Variants in DHRSX observed in about 807,000 individuals in gnomAD.
DHRSX encodes the protein polyprenol dehydrogenase.
A neutral mutation model predicts 34.0 loss-of-function variants in DHRSX; 31 were observed. That is an observed-to-expected ratio of 0.91 (90% confidence interval 0.69 to 1.23). DHRSX has a LOEUF of 1.23. DHRSX is among the 50% of genes most tolerant of loss of function. DHRSX has a pLI of 0.00. For synonymous variants in DHRSX, 201 were observed against 183.8 expected (o/e 1.09, Z -0.76); for missense variants, 414 against 428.1 (o/e 0.97, Z 0.29).
chrX:2,410,438 T>G (rs924209132), intron 2 of DHRSX, among the ~76,000 whole-genome samples: 1 of 152,208 alleles, frequency 6.6e-6, no homozygotes, highest in Non-Finnish European at 1.5e-5. Context: ...ATCTCCATCC[T>G]ACCTGCACCC....
chrX:2,247,655 C>CA (rs752111695), intron 5 of DHRSX, among the ~76,000 whole-genome samples: 4,816 of 96,840 alleles, frequency 0.05, 281 homozygotes, highest in African/African-American at 0.14. Flanking sequence ...CTCCGTCTCA[C>CA]AAAAAAAAAA....
At chrX:2,494,173 G>C (rs1772135509) in intron 1 of DHRSX, among the ~76,000 whole-genome samples, 1 of 151,934 alleles carries the variant, frequency 6.6e-6, no homozygotes, top group South Asian at 2.1e-4. Context: ...AGAAGTCCCA[G>C]TGCCTGGGGC....
chrX:2,236,358 C>G (rs1403720964), intron 6 of DHRSX, among the ~76,000 whole-genome samples: 6 of 152,126 alleles, frequency 3.9e-5, no homozygotes, highest in African/African-American at 1.4e-4. Flanking sequence ...GAGGAGGAAA[C>G]AGCCAGGGCT....
intron 3 of DHRSX, among the ~76,000 whole-genome samples, chrX:2,406,156 G>T (rs1265345542): frequency 6.6e-6 from 1 of 151,832 alleles, no homozygotes; most frequent in Non-Finnish European, 1.5e-5. Flanking sequence ...GCTGGGCATG[G>T]TCGCCAATGC....
intron 4 of DHRSX, among the ~76,000 whole-genome samples, chrX:2,268,172 C>A (rs189105996): frequency 6.6e-6 from 1 of 152,304 alleles, no homozygotes; most frequent in Non-Finnish European, 1.5e-5. Flanking sequence ...AACAGCCCAC[C>A]CCTGTCAGGC....
In DHRSX at chrX:2,315,509, G is replaced by C. The variant is rs140671757; in HGVS notation, c.287-23906C>G. ...TAGTGAGGTCATTTGGGTATACATA[G>C]CAGCATTAACAGCTTGAACCTAGCG... On this transcript the variant is annotated intron_variant, in intron 3 of 6. Coordinates refer to ENST00000334651, the MANE Select transcript of DHRSX (RefSeq NM_145177.3). 1.7e-3 allele frequency among the ~76,000 whole-genome samples: 260 copies of C among 152,258 alleles called. 2 individuals are homozygous for C. The highest frequency in any genetic ancestry group is 6.1e-3 in the African/African-American group (252 of 41,562).
intron 1 of DHRSX, among the ~76,000 whole-genome samples, chrX:2,444,064 G>T (rs1427590070): frequency 6.6e-6 from 1 of 151,098 alleles, no homozygotes; most frequent in Non-Finnish European, 1.5e-5. Context: ...GCCTGAGTTG[G>T]AGGCCTGGAA....
intron 3 of DHRSX, among the ~76,000 whole-genome samples, chrX:2,372,283 A>C (rs576536662): frequency 6.6e-6 from 1 of 152,122 alleles, no homozygotes; most frequent in Non-Finnish European, 1.5e-5. Context: ...GGCGAAATAC[A>C]TGACTGATAA....
intron 3 of DHRSX, among the ~76,000 whole-genome samples, chrX:2,367,605 T>A (rs1252079224): frequency 6.6e-6 from 1 of 152,188 alleles, no homozygotes; most frequent in Admixed American, 6.6e-5. Context: ...ATATTTTAAA[T>A]GTCTCCTATT....
At chrX:2,389,889 T>C (rs1445020676) in intron 3 of DHRSX, among the ~76,000 whole-genome samples, 1 of 152,204 alleles carries the variant, frequency 6.6e-6, no homozygotes, top group South Asian at 2.1e-4. Flanking sequence ...CAAGTGATTC[T>C]GCTGCCTCAG....
intron 3 of DHRSX, among the ~76,000 whole-genome samples, chrX:2,303,689 C>CGGATGAATTGATGGATGGGTGGAA (rs1569485678): frequency 6.6e-6 from 1 of 151,440 alleles, no homozygotes; most frequent in Non-Finnish European, 1.5e-5. Flanking sequence ...GACGGATGGA[C>CGGATGAATTGATGGATGGGTGGAA]GGATGAATTG....
intron 3 of DHRSX, among the ~76,000 whole-genome samples, chrX:2,317,373 T>TC (rs2042253572): frequency 6.6e-6 from 1 of 151,660 alleles, no homozygotes; most frequent in Non-Finnish European, 1.5e-5. Context: ...TGCCTCACTG[T>TC]CCCAAGTAGC....
intron 1 of DHRSX, among the ~76,000 whole-genome samples, chrX:2,442,217 T>G (rs760240279): frequency 1.1e-4 from 17 of 151,642 alleles, no homozygotes; most frequent in African/African-American, 4.1e-4. Context: ...ACTCATCGAG[T>G]GGAAGTGGAT....
At chrX:2,360,737 C>G (rs1188041740) in intron 3 of DHRSX, among the ~76,000 whole-genome samples, 2 of 151,994 alleles carry the variant, frequency 1.3e-5, no homozygotes, top group Non-Finnish European at 1.5e-5. Flanking sequence ...ACTCACTGCT[C>G]TCTTGGTGGA....
chrX:2,476,641 C>T (rs1022565716), intron 1 of DHRSX, among the ~76,000 whole-genome samples: 10 of 152,102 alleles, frequency 6.6e-5, no homozygotes, highest in Admixed American at 2.6e-4. Context: ...TTCCTCAAAA[C>T]AACGCCACGT....
chrX:2,241,659 A>G (rs1464712277), intron 6 of DHRSX, among the ~76,000 whole-genome samples: 1 of 152,124 alleles, frequency 6.6e-6, no homozygotes, highest in East Asian at 1.9e-4. Context: ...CTATCATCCC[A>G]GCACTTTGGG....
intron 3 of DHRSX, among the ~76,000 whole-genome samples, chrX:2,375,724 C>T (rs1490119823): frequency 7.3e-6 from 1 of 136,492 alleles, no homozygotes; most frequent in Non-Finnish European, 1.7e-5. Context: ...CGTCCGCCTC[C>T]TAGGTTCAAG....
chrX:2,414,834 T>C (rs2043674164), intron 2 of DHRSX, among the ~76,000 whole-genome samples: 1 of 151,894 alleles, frequency 6.6e-6, no homozygotes. Flanking sequence ...CCAGAGCTCA[T>C]CATAGCCTAG....
intron 3 of DHRSX, among the ~76,000 whole-genome samples, chrX:2,343,448 G>A (rs1432081174): frequency 1.3e-5 from 2 of 152,188 alleles, no homozygotes; most frequent in African/African-American, 4.8e-5. Context: ...GGAGCCAGAT[G>A]TTCACCTGAT....
Sources: allele counts gnomAD v4.1 joint callset (sites outside exome capture counted in the v4.1 genomes callset), GRCh38; gene constraint gnomAD v4.1.1; transcripts MANE v1.5; gene names NCBI Gene and HGNC (gene_info 2026-07-23, HGNC 2026-07-21).